Variants in CNBD1 observed in about 807,000 individuals in gnomAD.
CNBD1 encodes the protein cyclic nucleotide-binding domain-containing protein 1.
In CNBD1, 71 loss-of-function variants were observed where a neutral mutation model predicts 54.4. The observed-to-expected ratio is 1.30, with a 90% CI of 1.08 to 1.59. The LOEUF (loss-of-function observed/expected upper bound fraction) is 1.59, where lower values mean the gene tolerates loss of function less well. Among genes scored for constraint, CNBD1 ranks in the 40% most tolerant of loss-of-function variants. CNBD1 has a pLI of 0.00. For missense variants in CNBD1, 659 were observed against 518.0 expected, an observed-to-expected ratio of 1.27 and a Z score of -2.64; for synonymous variants, 182 against 170.7, an observed-to-expected ratio of 1.07 and a Z score of -0.51.
chr8:87,292,443 C>A (rs1489089868), intron 8 of CNBD1, among the ~76,000 whole-genome samples: 1 of 152,140 alleles, frequency 6.6e-6, no homozygotes, highest in Admixed American at 6.6e-5. Flanking sequence ...ATGTTTAATT[C>A]TCAGTATGCA....
At chr8:87,392,780 T>A (rs1373040934) in intron 2 of CNBD1, among the ~76,000 whole-genome samples, 5 of 151,920 alleles carry the variant, frequency 3.3e-5, no homozygotes, top group Non-Finnish European at 7.4e-5. Context: ...AATAAATTGT[T>A]CACTTCCAAA....
chr8:86,989,992 A>G (rs1482660317), intron 4 of CNBD1, among the ~76,000 whole-genome samples: 2 of 152,294 alleles, frequency 1.3e-5, no homozygotes, highest in East Asian at 3.9e-4. Context: ...CCATGTGTGT[A>G]TCTTCTTATG....
intron 4 of CNBD1, among the ~76,000 whole-genome samples, chr8:86,992,029 TTGAC>T (rs1222273229): frequency 6.6e-6 from 1 of 152,148 alleles, no homozygotes; most frequent in Non-Finnish European, 1.5e-5. Context: ...TTTTGTCCAG[TTGAC>T]TGAGTGTAAA....
intron 4 of CNBD1, among the ~76,000 whole-genome samples, chr8:87,107,036 G>C (rs1328723637): frequency 6.6e-6 from 1 of 151,820 alleles, no homozygotes; most frequent in Non-Finnish European, 1.5e-5. Flanking sequence ...CACCATCTTG[G>C]CCAGGTTGAT....
intron 2 of CNBD1, among the ~76,000 whole-genome samples, chr8:87,396,647 A>C (rs1024292131): frequency 4.6e-5 from 7 of 151,774 alleles, no homozygotes; most frequent in Non-Finnish European, 1.0e-4. Context: ...ACTATAACCT[A>C]TTATAGCTCT....
chr8:87,319,090 G>A (rs1809463348), intron 8 of CNBD1, among the ~76,000 whole-genome samples: 1 of 152,072 alleles, frequency 6.6e-6, no homozygotes, highest in Non-Finnish European at 1.5e-5. Context: ...TATAAATCAA[G>A]GAAGGAGAGG....
chr8:87,301,107 G>A (rs1028725361), intron 8 of CNBD1, among the ~76,000 whole-genome samples: 2 of 152,036 alleles, frequency 1.3e-5, no homozygotes, highest in African/African-American at 4.8e-5. Flanking sequence ...AGAAGAGATG[G>A]ATAAATTCCT....
rs115174516 is a variant in CNBD1, at chr8:87,201,896, G to A, written c.432-4097G>A. Among the ~76,000 whole-genome samples, 432 of 152,244 alleles carry A rather than the reference G, an allele frequency of 2.8e-3. 1 individual carries two copies. The highest frequency in any genetic ancestry group is 9.2e-3 in the African/African-American group (384 of 41,550). On this transcript the variant is annotated intron_variant, in intron 4 of 10. Transcript: ENST00000518476. ...GCCTCCTGAGTAACTGGGTTTACAG[G>A]AGCCTGCCACCACACCTAGCTAGTT...
At chr8:87,252,061 A>G (rs1296903056) in intron 6 of CNBD1, among the ~76,000 whole-genome samples, 2 of 152,160 alleles carry the variant, frequency 1.3e-5, no homozygotes, top group Non-Finnish European at 2.9e-5. Context: ...AAACATATAA[A>G]AACATTTAAA....
At chr8:87,025,541 T>C (rs1333476210) in intron 4 of CNBD1, among the ~76,000 whole-genome samples, 1 of 151,828 alleles carries the variant, frequency 6.6e-6, no homozygotes, top group Non-Finnish European at 1.5e-5. Context: ...GCTTTACTCT[T>C]GAAATCAGCG....
intron 6 of CNBD1, among the ~76,000 whole-genome samples, chr8:87,280,891 A>T (rs543372315): frequency 6.6e-6 from 1 of 151,708 alleles, no homozygotes; most frequent in Non-Finnish European, 1.5e-5. Flanking sequence ...ATTTACAAGT[A>T]TGAGAAACTG....
chr8:87,190,218 G>A (rs1298657905), intron 4 of CNBD1, among the ~76,000 whole-genome samples: 1 of 152,052 alleles, frequency 6.6e-6, no homozygotes, highest in East Asian at 1.9e-4. Context: ...TTCTGAATAT[G>A]TTCATGTACC....
intron 4 of CNBD1, among the ~76,000 whole-genome samples, chr8:86,960,321 A>C (rs866848868): frequency 1.3e-5 from 2 of 152,132 alleles, no homozygotes; most frequent in Admixed American, 6.5e-5. Flanking sequence ...AGCAAACGGC[A>C]CACCAGGAGA....
chr8:87,109,113 G>A (rs572357723), intron 4 of CNBD1, among the ~76,000 whole-genome samples: 139 of 152,128 alleles, frequency 9.1e-4, no homozygotes, highest in Middle Eastern at 6.8e-3. Context: ...TTGGAATATA[G>A]GAAAATATCA....
intron 3 of CNBD1, among the ~76,000 whole-genome samples, chr8:86,920,252 T>C (rs1019272327): frequency 2.0e-5 from 3 of 152,214 alleles, no homozygotes; most frequent in Admixed American, 6.5e-5. Context: ...TATTTTAATT[T>C]AGGATCTTTT....
Position 87,237,064 on chromosome 8 carries a change from C to G in CNBD1, c.723C>G (p.Phe241Leu). Residue 241 changes from phenylalanine (F) to leucine (L), a missense_variant, in exon 6 of 11, where the codon TTC becomes TTG. Physicochemically the swap from Phe to Leu is conservative, Grantham distance 22. Coordinates refer to ENST00000518476, the MANE Select transcript of CNBD1 (RefSeq NM_173538.3). ...SFHSFIWSEEFKNSTLAEMYL... is the reference protein window; with the variant it reads ...SFHSFIWSEELKNSTLAEMYL... ...ACAGCTTCATTTGGAGTGAAGAATT[C>G]AAAAACTCTACACTTGCTGAGATGT... The G allele has an allele frequency of 6.2e-7, 1 of 1,611,852 alleles. No individual in the cohort carries two copies. The highest frequency in any genetic ancestry group is 1.1e-5 in the South Asian group (1 of 90,896).
At chr8:87,168,977 C>A (rs1418348607) in intron 4 of CNBD1, among the ~76,000 whole-genome samples, 1 of 151,954 alleles carries the variant, frequency 6.6e-6, no homozygotes, top group Non-Finnish European at 1.5e-5. Context: ...TGTAGTAGCA[C>A]CCTTTTTAGC....
At position 87,325,199 on chromosome 8, in the gene CNBD1, T is replaced by G. The variant is rs1185949811; in HGVS notation, c.1043-26486T>G. Among the ~76,000 whole-genome samples, 2 of 95,166 alleles carry G rather than the reference T, an allele frequency of 2.1e-5. 1 individual carries two copies. Among genetic ancestry groups the G allele is most frequent in the African/African-American group, 1.3e-4 (2 of 15,706 alleles). 62.4% of individuals were successfully genotyped at this position (95,166 alleles called of 152,430 possible). A position where few individuals can be genotyped will look rare whatever the true frequency, so the allele number is the denominator to read the frequency against. On this transcript the variant is annotated intron_variant, in intron 8 of 10. Transcript: ENST00000518476. ...GTTATAATTTCTGTTCTTTTACATT[T>G]GCTGAGGAGAGCTTTACTTCCAAGT... is the stretch of plus-strand genomic sequence containing the variant.
chr8:87,380,163 T>C (rs1390800010), intron 10 of CNBD1, among the ~76,000 whole-genome samples: 1 of 152,048 alleles, frequency 6.6e-6, no homozygotes, highest in East Asian at 1.9e-4. Context: ...ATTAATATAA[T>C]TTAATAATTT....
Sources: allele counts gnomAD v4.1 joint callset (sites outside exome capture counted in the v4.1 genomes callset), GRCh38; gene constraint gnomAD v4.1.1; transcripts MANE v1.5; gene names NCBI Gene and HGNC (gene_info 2026-07-23, HGNC 2026-07-21).